OPALIN: variants seen among roughly 807,000 people sequenced by gnomAD.
The protein encoded by OPALIN is oligodendrocytic myelin paranodal and inner loop protein, also known as transmembrane protein 10.
OPALIN carries 15 observed loss-of-function variants against 17.8 expected under a neutral mutation model. The observed-to-expected ratio is 0.84, with a 90% CI of 0.56 to 1.29. The LOEUF (loss-of-function observed/expected upper bound fraction) is 1.29, where lower values mean the gene tolerates loss of function less well. Ranked by LOEUF, OPALIN falls within the 50% of genes most tolerant of loss-of-function variation. The probability of loss-of-function intolerance (pLI) is 0.00; values close to 1 mark genes in which losing one functional copy is unlikely to be tolerated. For synonymous variants in OPALIN, 62 were observed against 63.8 expected (o/e 0.97, Z 0.14); for missense variants, 170 against 176.0 (o/e 0.97, Z 0.19).
chr10:96,351,799 C>T (rs1443020603), intron 2 of OPALIN, among the ~76,000 whole-genome samples: 1 of 152,138 alleles, frequency 6.6e-6, no homozygotes, highest in African/African-American at 2.4e-5. Context: ...TTAAGGAAGC[C>T]TTGCTTGTTT....
intron 1 of OPALIN, 128 bp downstream of exon 1, chr10:96,358,766 T>C: frequency 1.0e-6 from 1 of 958,714 alleles, no homozygotes; most frequent in Non-Finnish European, 1.7e-6. Context: ...AAATTATTGG[T>C]ATTTTGCATA....
rs761344175 is a variant in OPALIN at position 96,345,915 on chromosome 10, G to A, written c.*26C>T. 1.2e-6 allele frequency: 2 copies of A among 1,602,622 alleles called. No individual in the cohort carries two copies. Among genetic ancestry groups the A allele is most frequent in the Admixed American group, 1.7e-5 (1 of 58,744 alleles). On this transcript the variant is annotated 3_prime_UTR_variant, in exon 6 of 6. Coordinates refer to ENST00000371172, the MANE Select transcript of OPALIN (RefSeq NM_033207.5). ...GTTTTCAACCCTGTTCCAGTGCCAG[G>A]TCTGCTGCTCCTTGACTGAGCTGCA...
At chr10:96,349,550 C>T (rs768871872) in intron 4 of OPALIN, among the ~76,000 whole-genome samples, 157 bp downstream of exon 4, 2 of 152,210 alleles carry the variant, frequency 1.3e-5, no homozygotes, top group Non-Finnish European at 2.9e-5. Context: ...TGCCTAATGT[C>T]ATGTCTGCAG....
At chr10:96,348,378 G>T in intron 4 of OPALIN, 33 bp from the exon 5 acceptor site, 1 of 1,080,618 alleles carries the variant, frequency 9.3e-7, no homozygotes, top group African/African-American at 1.6e-5. Context: ...ATAAAAGAAA[G>T]AAAGAAGAAG....
intron 1 of OPALIN, among the ~76,000 whole-genome samples, chr10:96,358,608 T>A (rs553746413): frequency 6.6e-6 from 1 of 152,336 alleles, no homozygotes; most frequent in Non-Finnish European, 1.5e-5. Flanking sequence ...GTAAGACAGA[T>A]AAAATCGTTG....
intron 3 of OPALIN, among the ~76,000 whole-genome samples, chr10:96,350,729 T>C (rs1845546212): frequency 6.6e-6 from 1 of 152,210 alleles, no homozygotes; most frequent in Non-Finnish European, 1.5e-5. Flanking sequence ...AATAAATGCA[T>C]TAACCTATTA....
chr10:96,352,041 G>A (rs1845606740), intron 2 of OPALIN, among the ~76,000 whole-genome samples: 1 of 152,216 alleles, frequency 6.6e-6, no homozygotes, highest in Non-Finnish European at 1.5e-5. Context: ...TAAGTGGTAT[G>A]CTGTGGGATT....
intron 1 of OPALIN, 146 bp from the exon 2 acceptor site, chr10:96,355,436 GC>G: frequency 1.6e-6 from 1 of 644,736 alleles, no homozygotes; most frequent in Non-Finnish European, 2.7e-6. Flanking sequence ...CACAGTCTTG[GC>G]CCCAAAAGAA....
At chr10:96,347,205 C>T (rs1845369472) in intron 5 of OPALIN, among the ~76,000 whole-genome samples, 1 of 151,984 alleles carries the variant, frequency 6.6e-6, no homozygotes, top group African/African-American at 2.4e-5. Flanking sequence ...GATTCTCCTG[C>T]TTCAGCCCCC....
chr10:96,350,171 C>T lies in OPALIN; in HGVS notation c.73-345G>A, dbSNP rs888673427. ...ACAATTCAGAGCAACAATTAGATGT[C>T]ATTTTCACCTGTTTGGCTAAAAATA... On this transcript the variant is annotated intron_variant, in intron 3 of 5. Transcript: ENST00000371172. 2.6e-5 allele frequency among the ~76,000 whole-genome samples: 4 copies of T among 152,174 alleles called. No individual in the cohort carries two copies. The East Asian group carries it at 7.7e-4, about 29-fold the overall frequency.
intron 3 of OPALIN, 117 bp downstream of exon 3, chr10:96,351,261 C>T (rs2134020522): frequency 1.5e-6 from 1 of 686,542 alleles, no homozygotes; most frequent in South Asian, 1.8e-5. Context: ...AATTCTTGAG[C>T]CAGATTCTGT....
intron 2 of OPALIN, among the ~76,000 whole-genome samples, chr10:96,352,444 C>G (rs1000551738): frequency 6.6e-6 from 1 of 152,030 alleles, no homozygotes; most frequent in African/African-American, 2.4e-5. Context: ...CTTCCAAGCC[C>G]AGACCTCTTT....
intron 2 of OPALIN, among the ~76,000 whole-genome samples, chr10:96,352,405 A>G (rs72829509): frequency 0.085 from 12,984 of 152,124 alleles, 582 homozygotes; most frequent in Non-Finnish European, 0.098. Flanking sequence ...ACAGATAATC[A>G]TAACTCTAAT....
At chr10:96,349,914 A>G (rs1845506639) in intron 3 of OPALIN, 88 bp from the exon 4 acceptor site, 1 of 1,366,862 alleles carries the variant, frequency 7.3e-7, no homozygotes, top group African/African-American at 1.5e-5. Flanking sequence ...AATAAAACAA[A>G]AAATCTGCAT....
intron 5 of OPALIN, among the ~76,000 whole-genome samples, chr10:96,346,879 T>C (rs1383003453): frequency 6.6e-6 from 1 of 152,178 alleles, no homozygotes; most frequent in East Asian, 1.9e-4. Context: ...TTAGATTTAT[T>C]CCATAGCATT....
chr10:96,345,756 G>C lies in OPALIN; in HGVS notation c.*185C>G. On this transcript the variant is annotated 3_prime_UTR_variant, in exon 6 of 6. Transcript: ENST00000371172. ...GTACTAACTAAAGCACAAGATCTGA[G>C]AGTTGGAATTAACCATGTTGGGGAT... The C allele has an allele frequency of 1.8e-6, 1 of 568,420 alleles. No individual in the cohort carries two copies. The highest frequency in any genetic ancestry group is 3.1e-6 in the Non-Finnish European group (1 of 323,524). The allele number at this position is 568,420 out of a possible 1,614,324, so 35.2% of individuals were successfully genotyped here.
At chr10:96,351,863 G>T (rs139131121) in intron 2 of OPALIN, among the ~76,000 whole-genome samples, 44 of 152,222 alleles carry the variant, frequency 2.9e-4, no homozygotes, top group Non-Finnish European at 5.7e-4. Flanking sequence ...ATGCTCCTGG[G>T]GATAATTCTA....
chr10:96,357,084 A>G lies in OPALIN; in HGVS notation c.4-1794T>C, dbSNP rs553508118. Reference sequence around the variant, plus strand: ...CTCTTAGGTCAGGGTCCTCTTGCTCAAGGGACCTAACCACTGCTCTTCACG... The same window carrying G: ...CTCTTAGGTCAGGGTCCTCTTGCTCGAGGGACCTAACCACTGCTCTTCACG... On this transcript the variant is annotated intron_variant, in intron 1 of 5. Transcript: ENST00000371172. The G allele has an allele frequency of 3.0e-3, 2,951 of 985,460 alleles. 8 individuals are homozygous for G. Among genetic ancestry groups the G allele is most frequent in the Non-Finnish European group, 3.4e-3 (2,805 of 829,962 alleles). The allele number at this position is 985,460 out of a possible 1,614,324, so 61.0% of individuals were successfully genotyped here. A position where few individuals can be genotyped will look rare whatever the true frequency, so the allele number is the denominator to read the frequency against.
intron 2 of OPALIN, among the ~76,000 whole-genome samples, chr10:96,354,474 T>G (rs1007700452): frequency 3.9e-5 from 6 of 152,274 alleles, no homozygotes; most frequent in Admixed American, 3.3e-4. Flanking sequence ...ATAATTAACT[T>G]GAAAAAATAT....
Sources: gnomAD v4.1 joint callset for allele counts (sites outside exome capture counted in the v4.1 genomes callset) on GRCh38, gnomAD v4.1.1 for gene constraint, MANE v1.5 for transcripts, NCBI Gene and HGNC (gene_info 2026-07-23, HGNC 2026-07-21) for gene names.